Variants in C12orf54 observed in about 807,000 individuals in gnomAD.
C12orf54 encodes the protein uncharacterized protein C12orf54.
In C12orf54, 24 loss-of-function variants were observed where a neutral mutation model predicts 26.4. That is an observed-to-expected ratio of 0.91 (90% CI 0.66 to 1.28). The LOEUF (loss-of-function observed/expected upper bound fraction) is 1.28, where lower values mean the gene tolerates loss of function less well. C12orf54 is among the 50% of genes most tolerant of loss of function. The pLI is 0.00. For synonymous variants in C12orf54, 54 were observed against 47.0 expected (o/e 1.15, Z -0.61); for missense variants, 154 against 150.9 (o/e 1.02, Z -0.11).
chr12:48,488,225 A>T (rs896814136), intron 4 of C12orf54: 11 of 681,352 alleles, frequency 1.6e-5, no homozygotes, highest in Non-Finnish European at 2.5e-5. Flanking sequence ...CTGTCACTCT[A>T]TGCCGCAGCC....
chr12:48,414,675 C>G, the C12orf54 span, among the ~76,000 whole-genome samples: 20 of 152,098 alleles, frequency 1.3e-4, no homozygotes, highest in Admixed American at 1.3e-3. Context: ...GTAATCTGGG[C>G]CCTAAGTTGC....
chr12:48,488,126 G>C (rs1452796041), intron 4 of C12orf54: 4 of 802,032 alleles, frequency 5.0e-6, no homozygotes, highest in South Asian at 2.7e-5. Flanking sequence ...TGAAGGAACA[G>C]TTTGCCTGGA....
At chr12:48,419,693 A>G in the C12orf54 span, among the ~76,000 whole-genome samples, 1 of 152,162 alleles carries the variant, frequency 6.6e-6, no homozygotes, top group Non-Finnish European at 1.5e-5. Flanking sequence ...GGAAGGGATG[A>G]AAAGAAGTGA....
At chr12:48,421,270 A>G in the C12orf54 span, among the ~76,000 whole-genome samples, 1 of 152,164 alleles carries the variant, frequency 6.6e-6, no homozygotes, top group Non-Finnish European at 1.5e-5. Context: ...GGCAGAAGGC[A>G]ACGTGGGAGC....
chr12:48,457,726 T>A, the C12orf54 span, among the ~76,000 whole-genome samples: 1 of 152,150 alleles, frequency 6.6e-6, no homozygotes, highest in Non-Finnish European at 1.5e-5. Context: ...TGTGAGCCTC[T>A]CCAGTCTGCT....
At chr12:48,439,848 G>A in the C12orf54 span, among the ~76,000 whole-genome samples, 3 of 152,100 alleles carry the variant, frequency 2.0e-5, no homozygotes, top group East Asian at 1.9e-4. Flanking sequence ...GTATACATAC[G>A]TAATGAACCT....
At chr12:48,423,779 T>G in the C12orf54 span, among the ~76,000 whole-genome samples, 1 of 152,094 alleles carries the variant, frequency 6.6e-6, no homozygotes, top group East Asian at 1.9e-4. Flanking sequence ...TTTTCTCCAT[T>G]AATCTATTAA....
the C12orf54 span, among the ~76,000 whole-genome samples, chr12:48,440,561 C>A: frequency 1.3e-5 from 2 of 152,204 alleles, no homozygotes; most frequent in Non-Finnish European, 2.9e-5. Flanking sequence ...CATGGTCTAC[C>A]ATTTCTACAG....
chr12:48,421,752 A>G, the C12orf54 span, among the ~76,000 whole-genome samples: 10 of 150,156 alleles, frequency 6.7e-5, no homozygotes, highest in African/African-American at 2.5e-4. Flanking sequence ...TTGGTCTTGA[A>G]CTCCTGACCT....
At chr12:48,478,128 C>G (rs1403128090), upstream of C12orf54, among the ~76,000 whole-genome samples, 2 of 152,128 alleles carry the variant, frequency 1.3e-5, no homozygotes, top group South Asian at 2.1e-4. Flanking sequence ...AGCATATGAA[C>G]AGAAACAAAG....
At chr12:48,459,725 C>G in the C12orf54 span, among the ~76,000 whole-genome samples, 1 of 152,096 alleles carries the variant, frequency 6.6e-6, no homozygotes, top group African/African-American at 2.4e-5. Context: ...TCAAAACGAA[C>G]AAAGGGAAAG....
intron 2 of C12orf54, among the ~76,000 whole-genome samples, chr12:48,485,000 C>G (rs1259156841): frequency 1.3e-5 from 2 of 152,150 alleles, no homozygotes; most frequent in African/African-American, 2.4e-5. Context: ...GATATGATGT[C>G]AATGCTATTA....
chr12:48,448,325 C>T, the C12orf54 span, among the ~76,000 whole-genome samples: 1 of 152,182 alleles, frequency 6.6e-6, no homozygotes, highest in Admixed American at 6.5e-5. Context: ...ATTTTTATTA[C>T]ACATGTCTGT....
At chr12:48,463,526 C>G in the C12orf54 span, among the ~76,000 whole-genome samples, 1 of 151,602 alleles carries the variant, frequency 6.6e-6, no homozygotes, top group Non-Finnish European at 1.5e-5. Flanking sequence ...GAAAACTATT[C>G]CAAAAAATTG....
At chr12:48,435,430 A>G in the C12orf54 span, among the ~76,000 whole-genome samples, 12 of 152,174 alleles carry the variant, frequency 7.9e-5, no homozygotes, top group Non-Finnish European at 1.2e-4. Context: ...GATACTCCTT[A>G]AGAAGAGCAA....
chr12:48,485,118 C>T (rs1007959245), intron 2 of C12orf54, among the ~76,000 whole-genome samples: 3 of 151,864 alleles, frequency 2.0e-5, no homozygotes, highest in Admixed American at 6.6e-5. Flanking sequence ...GCTCTGTTGC[C>T]GAGGCTAGAG....
chr12:48,476,316 G>A, the C12orf54 span, among the ~76,000 whole-genome samples: 2 of 152,018 alleles, frequency 1.3e-5, no homozygotes, highest in Non-Finnish European at 2.9e-5. Flanking sequence ...GACCATCCAG[G>A]CTAGGAAGAA....
At chr12:48,438,892 C>A in the C12orf54 span, among the ~76,000 whole-genome samples, 48,040 of 151,726 alleles carry the variant, frequency 0.32, 8,178 homozygotes, top group African/African-American at 0.38. Context: ...AACAAAAGCC[C>A]AAAATGACAA....
chr12:48,473,457 GT>G, the C12orf54 span: 1 of 540,514 alleles, frequency 1.9e-6, no homozygotes. Flanking sequence ...TGATTTTACT[GT>G]TTTTAGCCGT....
Sources: gnomAD v4.1 joint callset for allele counts (sites outside exome capture counted in the v4.1 genomes callset) on GRCh38, gnomAD v4.1.1 for gene constraint, MANE v1.5 for transcripts, NCBI Gene and HGNC (gene_info 2026-07-23, HGNC 2026-07-21) for gene names.